TGFBR2: variants seen among roughly 807,000 people sequenced by gnomAD.
TGFBR2 encodes the protein TGF-beta receptor type-2.
A neutral mutation model predicts 49.0 loss-of-function variants in TGFBR2; 18 were observed. The ratio of observed to expected loss-of-function variants is 0.37; its 90% CI spans 0.25 to 0.54. The LOEUF (loss-of-function observed/expected upper bound fraction) is 0.54, where lower values mean the gene tolerates loss of function less well. Ranked by LOEUF, TGFBR2 falls within the 20% of genes least tolerant of loss-of-function variation. The pLI, the probability that TGFBR2 is intolerant of heterozygous loss-of-function variation, is 0.85. For synonymous variants in TGFBR2, 282 were observed against 275.9 expected, an observed-to-expected ratio of 1.02 and a Z score of -0.22; for missense variants, 525 against 722.6, an observed-to-expected ratio of 0.73 and a Z score of 3.13.
At chr3:30,670,395 A>C (rs1240093176) in intron 3 of TGFBR2, among the ~76,000 whole-genome samples, 1 of 152,230 alleles carries the variant, frequency 6.6e-6, no homozygotes, top group Non-Finnish European at 1.5e-5. Context: ...TGCCATGCCC[A>C]TCATAGACAC....
At chr3:30,647,183 T>C (rs1479418434) in intron 2 of TGFBR2, among the ~76,000 whole-genome samples, 1 of 152,220 alleles carries the variant, frequency 6.6e-6, no homozygotes, top group Non-Finnish European at 1.5e-5. Flanking sequence ...TCATTCACGT[T>C]GGACACTTTT....
intron 3 of TGFBR2, among the ~76,000 whole-genome samples, chr3:30,653,841 G>A (rs763866449): frequency 2.0e-5 from 3 of 152,172 alleles, no homozygotes; most frequent in Non-Finnish European, 4.4e-5. Context: ...AGGGAGCTCA[G>A]CCCTTTCCAA....
intron 3 of TGFBR2, among the ~76,000 whole-genome samples, chr3:30,660,301 G>GATGT: frequency 6.6e-6 from 1 of 152,252 alleles, no homozygotes; most frequent in Admixed American, 6.5e-5. Context: ...CCACCAGGCT[G>GATGT]ATGTAGTTAT....
At chr3:30,607,811 TATTATATATATATAAATATATATATA>T (rs1697953134) in intron 1 of TGFBR2, among the ~76,000 whole-genome samples, 1 of 139,664 alleles carries the variant, frequency 7.2e-6, no homozygotes, top group Non-Finnish European at 1.5e-5. Flanking sequence ...TATATATATA[TATTATATATATATAAATATATATATA>T]ATTATATATA....
At chr3:30,673,205 A>G (rs539621239) in intron 4 of TGFBR2, among the ~76,000 whole-genome samples, 1 of 152,272 alleles carries the variant, frequency 6.6e-6, no homozygotes, top group Non-Finnish European at 1.5e-5. Context: ...ACATCGAAAT[A>G]TGGACAGACT....
At chr3:30,657,357 A>G (rs1699023948) in intron 3 of TGFBR2, among the ~76,000 whole-genome samples, 1 of 152,126 alleles carries the variant, frequency 6.6e-6, no homozygotes, top group Admixed American at 6.5e-5. Context: ...CACTGTTTCC[A>G]TGTCCGTGAG....
Position 30,647,281 on chromosome 3 carries a change from A to G in TGFBR2, c.263+2366A>G, listed in dbSNP as rs541647332. On this transcript the variant is annotated intron_variant, in intron 2 of 6. Coordinates refer to ENST00000295754, the MANE Select transcript of TGFBR2 (RefSeq NM_003242.6). ...ATAATGTGGTACATCTTTGAAGGAC[A>G]TCCCATTTTCAGAGTTTCCAAGGCA... Among the ~76,000 whole-genome samples, 8 of 152,340 alleles carry G rather than the reference A, an allele frequency of 5.3e-5. 2 individuals carry two copies. In the South Asian group the frequency reaches 1.7e-3, roughly 32 times the overall value.
chr3:30,623,304 T>G, intron 1 of TGFBR2: 1 of 1,612,476 alleles, frequency 6.2e-7, no homozygotes, highest in Non-Finnish European at 8.5e-7. Context: ...CTTTTCATCA[T>G]TTTTCTATTT....
chr3:30,671,565 C>A, intron 3 of TGFBR2, 73 bp from the exon 4 acceptor site: 1 of 1,465,720 alleles, frequency 6.8e-7, no homozygotes, highest in Non-Finnish European at 9.6e-7. Flanking sequence ...GATGCTCAGG[C>A]ATGAACCCAC....
intron 1 of TGFBR2, among the ~76,000 whole-genome samples, chr3:30,607,654 C>T (rs938048498): frequency 6.6e-6 from 1 of 151,694 alleles, no homozygotes; most frequent in African/African-American, 2.4e-5. Flanking sequence ...GTAGATTTTG[C>T]CTGGAACAAG....
chr3:30,652,689 C>G (rs1038051067), intron 3 of TGFBR2, among the ~76,000 whole-genome samples: 5 of 152,178 alleles, frequency 3.3e-5, no homozygotes, highest in African/African-American at 1.2e-4. Context: ...GAATTAATCT[C>G]TGACAGTAGA....
At position 30,693,737 on chromosome 3, in the gene TGFBR2, C is replaced by G. The variant is rs929813701; in HGVS notation, c.*2138C>G. 1.3e-5 allele frequency: 3 copies of G among 233,428 alleles called. No homozygotes were observed. Among genetic ancestry groups the G allele is most frequent in the African/African-American group, 6.6e-5 (3 of 45,282 alleles). The allele number at this position is 233,428 out of a possible 1,614,324, so 14.5% of individuals were successfully genotyped here. A position where few individuals can be genotyped will look rare whatever the true frequency, so the allele number is the denominator to read the frequency against. On this transcript the variant is annotated 3_prime_UTR_variant, in exon 7 of 7. Coordinates refer to ENST00000295754, the MANE Select transcript of TGFBR2 (RefSeq NM_003242.6). The stretch of plus-strand genomic sequence containing the variant: ...AGTGGTGAGTTTCTAGAATACTGGT[C>G]CATTCATGAGATATTCAAGATTCAA...
chr3:30,645,695 A>G (rs1462975674), intron 2 of TGFBR2, among the ~76,000 whole-genome samples: 1 of 152,038 alleles, frequency 6.6e-6, no homozygotes, highest in Non-Finnish European at 1.5e-5. Context: ...CATGTTGGCC[A>G]GGCTGGTCTC....
At chr3:30,638,089 TGCTTCGCTTTTAGA>T (rs1458671724) in intron 1 of TGFBR2, among the ~76,000 whole-genome samples, 2 of 152,366 alleles carry the variant, frequency 1.3e-5, no homozygotes, top group East Asian at 3.9e-4. Flanking sequence ...GAGGTTGACA[TGCTTCGCTTTTAGA>T]GCTTATTCTC....
At chr3:30,642,140 T>C (rs1343913169) in intron 1 of TGFBR2, among the ~76,000 whole-genome samples, 1 of 152,154 alleles carries the variant, frequency 6.6e-6, no homozygotes, top group African/African-American at 2.4e-5. Flanking sequence ...TTTCTAAGGT[T>C]TTGCTAGAAA....
At chr3:30,610,598 C>A (rs761295899) in intron 1 of TGFBR2, among the ~76,000 whole-genome samples, 8 of 152,140 alleles carry the variant, frequency 5.3e-5, no homozygotes, top group Admixed American at 5.2e-4. Flanking sequence ...GTTCCAGACC[C>A]ACTTGCCATG....
In TGFBR2 at chr3:30,672,368, G is replaced by C. The variant is rs193922663; in HGVS notation, c.1185G>C (p.Leu395=). Residue 395 remains leucine (L), a synonymous_variant, in exon 4 of 7, where the codon CTG becomes CTC. Transcript: ENST00000295754. The surrounding 1 kb of genome is among the most constrained non-coding windows in gnomAD (Gnocchi z 4.5). ...TGAAGAACGACCTAACCTGCTGCCT[G>C]TGTGACTTTGGGCTTTCCCTGCGTC... ...ILVKNDLTCC[L]CDFGLSLRLD... is the part of the protein sequence containing the mutation. 3 of 1,614,090 alleles carry C rather than the reference G, an allele frequency of 1.9e-6. No individual in the cohort carries two copies. Among genetic ancestry groups the C allele is most frequent in the African/African-American group, 2.7e-5 (2 of 74,934 alleles).
At chr3:30,673,217 A>G (rs1699374449) in intron 4 of TGFBR2, among the ~76,000 whole-genome samples, 1 of 152,196 alleles carries the variant, frequency 6.6e-6, no homozygotes, top group African/African-American at 2.4e-5. Context: ...GGACAGACTA[A>G]TGTGCCAGAG....
intron 3 of TGFBR2, among the ~76,000 whole-genome samples, chr3:30,670,846 A>G (rs1482819354): frequency 5.3e-5 from 8 of 152,252 alleles, no homozygotes; most frequent in Admixed American, 5.2e-4. Flanking sequence ...CCATGAAACT[A>G]CAATTCGTAT....
Sources: gnomAD v4.1 joint callset for allele counts (sites outside exome capture counted in the v4.1 genomes callset) on GRCh38, gnomAD v4.1.1 for gene constraint, Gnocchi (gnomAD v3.1) non-coding constraint, MANE v1.5 for transcripts, NCBI Gene and HGNC (gene_info 2026-07-23, HGNC 2026-07-21) for gene names.